The following FGGY variants were observed in gnomAD, a reference collection of about 807,000 sequenced individuals.
FGGY encodes FGGY carbohydrate kinase domain-containing protein.
FGGY carries 72 observed loss-of-function variants against 71.3 expected under a neutral mutation model. The observed-to-expected ratio is 1.01, with a 90% CI of 0.84 to 1.23. The LOEUF (loss-of-function observed/expected upper bound fraction) is 1.23. Ranked by LOEUF, FGGY falls within the 50% of genes most tolerant of loss-of-function variation. FGGY has a pLI of 0.00. For missense variants in FGGY, 668 were observed against 682.3 expected (o/e 0.98, Z 0.23); for synonymous variants, 251 against 250.3 (o/e 1.00, Z -0.02).
chr1:59,495,693 T>C (rs2094008143), intron 6 of FGGY, among the ~76,000 whole-genome samples: 1 of 152,190 alleles, frequency 6.6e-6, no homozygotes, highest in East Asian at 1.9e-4. Flanking sequence ...TTCAATCTTC[T>C]GCATATGGCT....
chr1:59,584,364 C>G (rs2096247629), intron 8 of FGGY, among the ~76,000 whole-genome samples: 1 of 149,992 alleles, frequency 6.7e-6, no homozygotes, highest in Non-Finnish European at 1.5e-5. Flanking sequence ...GCTTGTTCAG[C>G]ATACACAAAT....
intron 5 of FGGY, among the ~76,000 whole-genome samples, chr1:59,380,266 G>C (rs1047963726): frequency 6.6e-6 from 1 of 151,560 alleles, no homozygotes; most frequent in Non-Finnish European, 1.5e-5. Flanking sequence ...ACATGTGCAT[G>C]TGTCTTTATA....
intron 1 of FGGY, among the ~76,000 whole-genome samples, chr1:59,301,165 A>G (rs1356595775): frequency 6.6e-6 from 1 of 152,146 alleles, no homozygotes; most frequent in East Asian, 1.9e-4. Context: ...GTAGCTCTCA[A>G]TATGTAGGTC....
intron 5 of FGGY, among the ~76,000 whole-genome samples, chr1:59,448,485 C>T (rs2071855231): frequency 6.6e-6 from 1 of 152,144 alleles, no homozygotes; most frequent in Non-Finnish European, 1.5e-5. Context: ...ACCCAGTGTT[C>T]TGCTTCATGC....
chr1:59,538,936 A>G (rs1210486023), intron 7 of FGGY, among the ~76,000 whole-genome samples: 1 of 151,966 alleles, frequency 6.6e-6, no homozygotes, highest in Non-Finnish European at 1.5e-5. Flanking sequence ...CATGGCACGT[A>G]TATGCATATG....
intron 7 of FGGY, among the ~76,000 whole-genome samples, chr1:59,543,855 C>G (rs1463929246): frequency 1.3e-5 from 2 of 152,092 alleles, no homozygotes; most frequent in East Asian, 3.9e-4. Context: ...CTTCAAGGAG[C>G]CTTTGAATAA....
At chr1:59,678,285 ACCTCTGTGACCTTTCTACTTGATC>A (rs2097456420) in intron 14 of FGGY, among the ~76,000 whole-genome samples, 1 of 152,076 alleles carries the variant, frequency 6.6e-6, no homozygotes, top group African/African-American at 2.4e-5. Flanking sequence ...TGCAGTCTTG[ACCTCTGTGACCTTTCTACTTGATC>A]CCTCCCCCAT....
At chr1:59,714,110 A>G (rs2097823536) in intron 14 of FGGY, among the ~76,000 whole-genome samples, 1 of 152,214 alleles carries the variant, frequency 6.6e-6, no homozygotes, top group African/African-American at 2.4e-5. Context: ...TAATCTTGGC[A>G]TAATTATTAA....
chr1:59,389,217 T>A (rs573229423), intron 5 of FGGY, among the ~76,000 whole-genome samples: 1 of 152,258 alleles, frequency 6.6e-6, no homozygotes, highest in East Asian at 1.9e-4. Context: ...AGATAAAAAC[T>A]TTACTATTTT....
chr1:59,673,711 TTAA>T (rs2097404107), intron 13 of FGGY: 2 of 282,392 alleles, frequency 7.1e-6, no homozygotes, highest in South Asian at 8.5e-5. Flanking sequence ...AGCAGAGCGC[TTAA>T]TAAACATCAG....
intron 1 of FGGY, among the ~76,000 whole-genome samples, chr1:59,308,629 G>A (rs1181123004): frequency 6.6e-6 from 1 of 152,126 alleles, no homozygotes; most frequent in African/African-American, 2.4e-5. Flanking sequence ...CCCCACCCCA[G>A]TGTTTCTGAG....
chr1:59,376,012 G>C (rs2058608419), intron 4 of FGGY, among the ~76,000 whole-genome samples: 1 of 149,652 alleles, frequency 6.7e-6, no homozygotes, highest in African/African-American at 2.5e-5. Flanking sequence ...CCTTTAGAAA[G>C]AGGCTGCCTT....
intron 11 of FGGY, among the ~76,000 whole-genome samples, chr1:59,642,759 C>T (rs1003316024): frequency 2.6e-5 from 4 of 151,640 alleles, no homozygotes; most frequent in African/African-American, 4.8e-5. Context: ...CGGCTGGACG[C>T]GGTGGCTCAC....
chr1:59,699,915 C>T (rs575828676), intron 14 of FGGY, among the ~76,000 whole-genome samples: 39 of 152,280 alleles, frequency 2.6e-4, no homozygotes, highest in African/African-American at 7.9e-4. Context: ...ATTCTATATC[C>T]ATATTCACCC....
At chr1:59,652,388 A>C (rs2097172150) in intron 11 of FGGY, among the ~76,000 whole-genome samples, 2 of 148,850 alleles carry the variant, frequency 1.3e-5, no homozygotes, top group Non-Finnish European at 3.0e-5. Context: ...TTTCAGGTAC[A>C]CCAATCAGAC....
chr1:59,368,049 T>A (rs1011830510), intron 4 of FGGY, among the ~76,000 whole-genome samples: 1 of 152,072 alleles, frequency 6.6e-6, no homozygotes, highest in Non-Finnish European at 1.5e-5. Context: ...AAAAGACTAG[T>A]TTTTGTTAGT....
chr1:59,402,814 C>A (rs17119398), intron 5 of FGGY, among the ~76,000 whole-genome samples: 6,302 of 151,968 alleles, frequency 0.041, 396 homozygotes, highest in African/African-American at 0.14. Flanking sequence ...TTTGGCAAAA[C>A]GAAGTAAGAA....
intron 8 of FGGY, among the ~76,000 whole-genome samples, chr1:59,565,041 G>A (rs1176233461): frequency 2.0e-5 from 3 of 152,124 alleles, no homozygotes; most frequent in Non-Finnish European, 2.9e-5. Context: ...TCTCCCAAGG[G>A]TACAAGGGAA....
intron 14 of FGGY, among the ~76,000 whole-genome samples, chr1:59,735,282 G>C (rs1409114015): frequency 6.6e-6 from 1 of 152,086 alleles, no homozygotes; most frequent in South Asian, 2.1e-4. Flanking sequence ...AGAGGTTTAG[G>C]CCTCCTTCCT....
Sources: allele counts gnomAD v4.1 joint callset (sites outside exome capture counted in the v4.1 genomes callset), GRCh38; gene constraint gnomAD v4.1.1; transcripts MANE v1.5; gene names NCBI Gene and HGNC (gene_info 2026-07-23, HGNC 2026-07-21).